The following FGF14 variants were observed in gnomAD, a reference collection of about 807,000 sequenced individuals.
FGF14 encodes the protein fibroblast growth factor homologous factor 4.
Under a neutral mutation model 25.5 loss-of-function variants are expected in FGF14, and 5 were observed. The observed-to-expected ratio is 0.20, with a 90% CI of 0.10 to 0.41. The LOEUF (loss-of-function observed/expected upper bound fraction) is 0.41, where lower values mean the gene tolerates loss of function less well. FGF14 is among the 10% of genes least tolerant of loss of function. The probability of loss-of-function intolerance (pLI) is 1.00; values close to 1 mark genes in which losing one functional copy is unlikely to be tolerated. For synonymous variants in FGF14, 138 were observed against 118.3 expected, an observed-to-expected ratio of 1.17 and a Z score of -1.08; for missense variants, 222 against 320.1, an observed-to-expected ratio of 0.69 and a Z score of 2.34.
intron 1 of FGF14, among the ~76,000 whole-genome samples, chr13:102,237,153 A>G (rs2051365086): frequency 6.6e-6 from 1 of 152,182 alleles, no homozygotes; most frequent in South Asian, 2.1e-4. Context: ...CACAAGGAAG[A>G]CTTTCTGATA....
intron 3 of FGF14, among the ~76,000 whole-genome samples, chr13:101,740,058 C>G (rs961101202): frequency 3.9e-5 from 6 of 152,334 alleles, no homozygotes; most frequent in African/African-American, 1.4e-4. Flanking sequence ...ACCCCTGTCA[C>G]GTATCCCCTA....
intron 3 of FGF14, among the ~76,000 whole-genome samples, chr13:101,834,737 A>G (rs1457682013): frequency 9.9e-5 from 15 of 152,088 alleles, no homozygotes; most frequent in Admixed American, 9.8e-4. Flanking sequence ...AGTCACTCAA[A>G]ACCTCCTAGA....
chr13:102,320,684 C>T (rs1358973482), intron 1 of FGF14, among the ~76,000 whole-genome samples: 3 of 152,094 alleles, frequency 2.0e-5, no homozygotes, highest in African/African-American at 7.2e-5. Flanking sequence ...TGTGGGAGGA[C>T]CTCCCTAGAA....
chr13:102,171,474 T>C (rs1441327977), intron 1 of FGF14, among the ~76,000 whole-genome samples: 1 of 152,154 alleles, frequency 6.6e-6, no homozygotes, highest in African/African-American at 2.4e-5. Context: ...CCCTTTGGGT[T>C]AATTTTTTTC....
chr13:102,027,206 A>AAC (rs758193325), intron 1 of FGF14, among the ~76,000 whole-genome samples: 5 of 151,142 alleles, frequency 3.3e-5, no homozygotes, highest in South Asian at 2.1e-4. Context: ...AATAAAAAGA[A>AAC]ACACACACAC....
At chr13:102,247,134 G>A (rs1264394905) in intron 1 of FGF14, among the ~76,000 whole-genome samples, 1 of 151,922 alleles carries the variant, frequency 6.6e-6, no homozygotes. Context: ...TAATAACCCT[G>A]GAAGACAACC....
chr13:102,020,538 ACT>A (rs1197020480), intron 1 of FGF14, among the ~76,000 whole-genome samples: 3 of 151,664 alleles, frequency 2.0e-5, no homozygotes, highest in African/African-American at 7.3e-5. Context: ...TCAGAGTGAA[ACT>A]CTGTGAGAAA....
intron 1 of FGF14, among the ~76,000 whole-genome samples, chr13:102,252,766 C>G (rs1392749367): frequency 6.6e-6 from 1 of 151,972 alleles, no homozygotes; most frequent in Non-Finnish European, 1.5e-5. Flanking sequence ...GTTTGCTGCA[C>G]CCATTAACCC....
chr13:101,765,919 G>A (rs2038360675), intron 3 of FGF14, among the ~76,000 whole-genome samples: 2 of 151,946 alleles, frequency 1.3e-5, no homozygotes, highest in African/African-American at 4.8e-5. Flanking sequence ...AGTAGAGACG[G>A]GGTTTTGCCA....
chr13:102,212,484 C>G (rs960478246), intron 1 of FGF14, among the ~76,000 whole-genome samples: 2 of 152,274 alleles, frequency 1.3e-5, no homozygotes, highest in African/African-American at 4.8e-5. Flanking sequence ...CAGCCCTGTC[C>G]CCCTGCTATT....
chr13:102,167,742 A>G (rs1045643114), intron 1 of FGF14, among the ~76,000 whole-genome samples: 4 of 152,016 alleles, frequency 2.6e-5, no homozygotes, highest in Non-Finnish European at 4.4e-5. Context: ...TTGAGATTTG[A>G]AAAATCCATT....
rs77283617 is a variant in FGF14, at chr13:102,289,800, T to G, written c.208+111671A>C. Among the ~76,000 whole-genome samples the G allele has an allele frequency of 4.6e-3, 698 of 152,306 alleles. 3 individuals carry two copies. The highest frequency in any genetic ancestry group is 0.032 in the East Asian group (167 of 5,168). On this transcript the variant is annotated intron_variant, in intron 1 of 4. Transcript: ENST00000376131. ...ACATGCTCAACACATGCTTAGAGGA[T>G]GAATCACTGCTAAATAATTTATGGT...
At chr13:102,021,179 T>C (rs888251740) in intron 1 of FGF14, among the ~76,000 whole-genome samples, 1 of 151,938 alleles carries the variant, frequency 6.6e-6, no homozygotes, top group Non-Finnish European at 1.5e-5. Context: ...GAAGGAGATT[T>C]AGAGTTAAGA....
At position 102,243,704 on chromosome 13, in the gene FGF14, A is replaced by G. The variant is rs530043682; in HGVS notation, c.208+157767T>C. Among the ~76,000 whole-genome samples the G allele has an allele frequency of 2.7e-5, 4 of 149,738 alleles. No homozygotes were observed. In the South Asian group the frequency reaches 8.4e-4, roughly 31 times the overall value. On this transcript the variant is annotated intron_variant, in intron 1 of 4. Coordinates refer to the FGF14 transcript ENST00000376131. ...TCTGGCCCTCGATGAAATGTATATA[A>G]TAAGAGAGTATGACAATCCACCACA...
chr13:102,117,302 A>G (rs1254747508), intron 1 of FGF14, among the ~76,000 whole-genome samples: 1 of 151,184 alleles, frequency 6.6e-6, no homozygotes, highest in Non-Finnish European at 1.5e-5. Flanking sequence ...ACATAGCCCA[A>G]CTCTAGTCTG....
intron 3 of FGF14, among the ~76,000 whole-genome samples, chr13:101,865,312 C>T (rs1041508431): frequency 2.6e-4 from 39 of 152,082 alleles, no homozygotes. Context: ...CTTCTCTCAG[C>T]ACTAGAAATA....
At chr13:101,985,069 G>GTT (rs1226090096) in intron 1 of FGF14, among the ~76,000 whole-genome samples, 1 of 118,200 alleles carries the variant, frequency 8.5e-6, no homozygotes, top group Non-Finnish European at 1.6e-5. Context: ...GAATTCAAGG[G>GTT]TTTTTTTTTT....
chr13:102,101,008 A>C (rs1205838400), intron 1 of FGF14, among the ~76,000 whole-genome samples: 2 of 152,126 alleles, frequency 1.3e-5, no homozygotes, highest in African/African-American at 4.8e-5. Context: ...CTGAGGCGGA[A>C]GATTTGCTGG....
At chr13:101,862,911 G>A (rs1380457091) in intron 3 of FGF14, among the ~76,000 whole-genome samples, 1 of 152,016 alleles carries the variant, frequency 6.6e-6, no homozygotes, top group Middle Eastern at 3.2e-3. Context: ...TAAAGTATGT[G>A]CAAATGTAAA....
Sources: gnomAD v4.1 joint callset for allele counts (sites outside exome capture counted in the v4.1 genomes callset) on GRCh38, gnomAD v4.1.1 for gene constraint, MANE v1.5 for transcripts, NCBI Gene and HGNC (gene_info 2026-07-23, HGNC 2026-07-21) for gene names.